The following COL14A1 variants were observed in gnomAD, a reference collection of about 807,000 sequenced individuals.
COL14A1 encodes the protein collagen alpha-1(XIV) chain.
A neutral mutation model predicts 230.3 loss-of-function variants in COL14A1; 136 were observed. The ratio of observed to expected loss-of-function variants is 0.59; its 90% CI spans 0.51 to 0.68. The LOEUF is 0.68. COL14A1 is among the 30% of genes least tolerant of loss of function. The probability of loss-of-function intolerance (pLI) is 0.00; values close to 1 mark genes in which losing one functional copy is unlikely to be tolerated. For synonymous variants in COL14A1, 792 were observed against 784.1 expected, an observed-to-expected ratio of 1.01 and a Z score of -0.17; for missense variants, 1,976 against 2,215.8, an observed-to-expected ratio of 0.89 and a Z score of 2.17.
intron 1 of COL14A1, among the ~76,000 whole-genome samples, chr8:120,128,204 CGTGTGTGTGTGTGTGTGCGCGCGCGTGT>C (rs1166465709): frequency 4.3e-5 from 6 of 140,766 alleles, no homozygotes; most frequent in African/African-American, 1.6e-4. Context: ...GTTCCTGTGA[CGTGTGTGTGTGTGTGTGCGCGCGCGTGT>C]GTGTGTGTGT....
chr8:120,158,997 G>A (rs962715335), intron 3 of COL14A1, among the ~76,000 whole-genome samples: 7 of 152,144 alleles, frequency 4.6e-5, no homozygotes, highest in Non-Finnish European at 8.8e-5. Context: ...TTCAAAACTC[G>A]ATTCTGTCAC....
At chr8:120,137,653 A>G (rs1814758342) in intron 1 of COL14A1, among the ~76,000 whole-genome samples, 1 of 151,870 alleles carries the variant, frequency 6.6e-6, no homozygotes, top group Non-Finnish European at 1.5e-5. Context: ...TTGTACCTTT[A>G]TTTTCATTCC....
intron 45 of COL14A1, among the ~76,000 whole-genome samples, chr8:120,355,786 A>C (rs2130343658): frequency 6.6e-6 from 1 of 152,238 alleles, no homozygotes; most frequent in African/African-American, 2.4e-5. Flanking sequence ...AATCAGAGAA[A>C]CCATCTGATC....
Position 120,314,051 on chromosome 8 carries a change from A to T in COL14A1, c.4551+24A>T. On this transcript the variant is annotated intron_variant, in intron 38 of 47. Coordinates refer to ENST00000297848, the MANE Select transcript of COL14A1 (RefSeq NM_021110.4). ...CCGTGAGTTGTGTTCAAACATTCAG[A>T]CGGGTTTTATTGTTATCTCTTTTCC... The T allele has an allele frequency of 2.0e-6, 3 of 1,524,716 alleles. No homozygotes were observed. The East Asian group carries it at 6.9e-5, about 35-fold the overall frequency. The allele number at this position is 1,524,716 out of a possible 1,614,324, so 94.4% of individuals were successfully genotyped here.
chr8:120,337,967 T>A (rs1024876806), intron 42 of COL14A1, among the ~76,000 whole-genome samples: 1 of 152,156 alleles, frequency 6.6e-6, no homozygotes, highest in Non-Finnish European at 1.5e-5. Flanking sequence ...GAGACTGAGT[T>A]TGAGGAATTT....
chr8:120,160,385 A>G (rs931056542), intron 3 of COL14A1, among the ~76,000 whole-genome samples: 1 of 152,090 alleles, frequency 6.6e-6, no homozygotes, highest in African/African-American at 2.4e-5. Flanking sequence ...ATTGCTGATA[A>G]TACCAAACTA....
At chr8:120,175,978 TGAG>T (rs1465529715) in intron 5 of COL14A1, among the ~76,000 whole-genome samples, 1 of 152,212 alleles carries the variant, frequency 6.6e-6, no homozygotes, top group Non-Finnish European at 1.5e-5. Flanking sequence ...ACTTGAAACA[TGAG>T]AACTCTCAGG....
At chr8:120,145,905 GT>G (rs1427133917) in intron 1 of COL14A1, among the ~76,000 whole-genome samples, 1 of 150,252 alleles carries the variant, frequency 6.7e-6, no homozygotes, top group Admixed American at 6.8e-5. Flanking sequence ...GTACTTTGTT[GT>G]AGTCTGAATT....
intron 45 of COL14A1, among the ~76,000 whole-genome samples, chr8:120,363,558 C>A (rs1400558667): frequency 5.9e-5 from 9 of 152,164 alleles, no homozygotes; most frequent in Non-Finnish European, 1.5e-5. Flanking sequence ...GCACGTTCTG[C>A]CCATGTAGCC....
intron 1 of COL14A1, among the ~76,000 whole-genome samples, chr8:120,131,783 C>T (rs1365265690): frequency 1.3e-5 from 2 of 151,086 alleles, no homozygotes; most frequent in African/African-American, 2.4e-5. Context: ...GATTCACTGC[C>T]AAAGCCTGTG....
intron 5 of COL14A1, among the ~76,000 whole-genome samples, chr8:120,170,972 T>C (rs1393423755): frequency 6.6e-6 from 1 of 152,076 alleles, no homozygotes; most frequent in Non-Finnish European, 1.5e-5. Context: ...ACTTGATAGC[T>C]TTGGTTTACT....
chr8:120,185,303 T>C (rs778203638), intron 5 of COL14A1, among the ~76,000 whole-genome samples: 12 of 152,170 alleles, frequency 7.9e-5, no homozygotes, highest in Admixed American at 2.0e-4. Context: ...ACAACTTCCA[T>C]GGTAGTGATA....
chr8:120,212,901 C>T (rs1817653509), intron 13 of COL14A1, among the ~76,000 whole-genome samples: 1 of 151,816 alleles, frequency 6.6e-6, no homozygotes, highest in Non-Finnish European at 1.5e-5. Flanking sequence ...CTCAGCTCAA[C>T]TCATATTTTA....
Position 120,360,920 on chromosome 8 carries a change from CA to C in COL14A1, c.5078-6248del, listed in dbSNP as rs1438792526. Among the ~76,000 whole-genome samples the C allele has an allele frequency of 2.0e-5, 3 of 152,238 alleles. No individual in the cohort carries two copies. The South Asian group carries it at 6.2e-4, about 32-fold the overall frequency. ...AAGCATTGAGGAAGATTGGAGGGTA[CA>C]AAGAAGGGCAAACCCCACCCCTGCC... On this transcript the variant is annotated intron_variant, in intron 45 of 47. Transcript: ENST00000297848.
chr8:120,231,375 A>G, intron 18 of COL14A1, 92 bp from the exon 19 acceptor site: 1 of 1,342,910 alleles, frequency 7.4e-7, no homozygotes, highest in Non-Finnish European at 1.0e-6. Context: ...ACATTAAATG[A>G]TGCTTGCTGT....
At chr8:120,192,545 A>T (rs1387560606) in intron 5 of COL14A1, among the ~76,000 whole-genome samples, 1 of 151,940 alleles carries the variant, frequency 6.6e-6, no homozygotes. Context: ...CTTCTCGAGG[A>T]GTATCTTTGT....
intron 44 of COL14A1, 24 bp from the exon 45 acceptor site, chr8:120,345,351 C>T: frequency 6.5e-7 from 1 of 1,534,400 alleles, no homozygotes; most frequent in Non-Finnish European, 8.7e-7. Context: ...TCACTGAATG[C>T]TGTCTTTATG....
chr8:120,324,761 A>G (rs1411650677), intron 40 of COL14A1, among the ~76,000 whole-genome samples: 1 of 152,210 alleles, frequency 6.6e-6, no homozygotes, highest in African/African-American at 2.4e-5. Flanking sequence ...GTCAGCTTCG[A>G]AGAAGATATG....
chr8:120,298,782 A>C (rs936593050), intron 35 of COL14A1, among the ~76,000 whole-genome samples: 1 of 150,840 alleles, frequency 6.6e-6, no homozygotes, highest in African/African-American at 2.4e-5. Flanking sequence ...AGTCTGTGAG[A>C]TTTGACCTTA....
Sources: allele counts gnomAD v4.1 joint callset (sites outside exome capture counted in the v4.1 genomes callset), GRCh38; gene constraint gnomAD v4.1.1; transcripts MANE v1.5; gene names NCBI Gene and HGNC (gene_info 2026-07-23, HGNC 2026-07-21).